Variants in CSNK2A2IP observed in about 807,000 individuals in gnomAD.
CSNK2A2IP encodes casein kinase 2 subunit alpha' interacting protein.
the CSNK2A2IP span, among the ~76,000 whole-genome samples, chr3:88,385,834 G>C: frequency 6.6e-6 from 1 of 152,096 alleles, no homozygotes; most frequent in African/African-American, 2.4e-5. Flanking sequence ...AGACTTGAAG[G>C]TGAAAGGATG....
chr3:88,465,654 C>T, the CSNK2A2IP span: 1 of 1,231,648 alleles, frequency 8.1e-7, no homozygotes, highest in Non-Finnish European at 1.0e-6. Context: ...AGCATCAGAA[C>T]ACACCTTCAA....
chr3:88,409,031 C>A, the CSNK2A2IP span, among the ~76,000 whole-genome samples: 5 of 152,068 alleles, frequency 3.3e-5, no homozygotes, highest in Non-Finnish European at 5.9e-5. Context: ...AATTTTCCTA[C>A]TGACTCTGAC....
At chr3:88,401,961 T>C in the CSNK2A2IP span, among the ~76,000 whole-genome samples, 4 of 151,532 alleles carry the variant, frequency 2.6e-5, no homozygotes, top group Non-Finnish European at 4.4e-5. Context: ...CTTTTGGCCA[T>C]GAGAAAAATG....
the CSNK2A2IP span, among the ~76,000 whole-genome samples, chr3:88,441,125 T>C: frequency 6.6e-6 from 1 of 152,214 alleles, no homozygotes; most frequent in Admixed American, 6.5e-5. Context: ...AATAGTACTC[T>C]ATATTAGCAA....
chr3:88,341,855 T>A, the CSNK2A2IP span, among the ~76,000 whole-genome samples: 3 of 152,012 alleles, frequency 2.0e-5, no homozygotes, highest in East Asian at 5.8e-4. Context: ...CATTTTGGTA[T>A]GTTTGAAAAC....
At chr3:88,344,937 G>C in the CSNK2A2IP span, among the ~76,000 whole-genome samples, 1 of 151,940 alleles carries the variant, frequency 6.6e-6, no homozygotes, top group African/African-American at 2.4e-5. Context: ...TGAATATCAT[G>C]TTTTAATTTC....
chr3:88,424,164 T>A, the CSNK2A2IP span, among the ~76,000 whole-genome samples: 1 of 152,210 alleles, frequency 6.6e-6, no homozygotes, highest in Admixed American at 6.5e-5. Context: ...ATAATCTTCA[T>A]GCTTAGTTGA....
the CSNK2A2IP span, among the ~76,000 whole-genome samples, chr3:88,341,584 A>G: frequency 6.7e-6 from 1 of 150,250 alleles, no homozygotes; most frequent in South Asian, 2.2e-4. Flanking sequence ...ATGGATACTC[A>G]ATAAATGCTA....
At chr3:88,358,118 C>A in the CSNK2A2IP span, among the ~76,000 whole-genome samples, 1 of 152,086 alleles carries the variant, frequency 6.6e-6, no homozygotes, top group Non-Finnish European at 1.5e-5. Context: ...GGATTACTTT[C>A]TTGGTTTCCT....
At chr3:88,416,131 T>C in the CSNK2A2IP span, among the ~76,000 whole-genome samples, 1 of 151,346 alleles carries the variant, frequency 6.6e-6, no homozygotes, top group African/African-American at 2.4e-5. Context: ...ATTAGCCTGG[T>C]GTGGTGGCAC....
chr3:88,378,831 A>C, the CSNK2A2IP span, among the ~76,000 whole-genome samples: 4 of 152,034 alleles, frequency 2.6e-5, no homozygotes, highest in Non-Finnish European at 4.4e-5. Flanking sequence ...CAATACAATA[A>C]ATATGTGTTA....
At chr3:88,355,893 A>T in the CSNK2A2IP span, among the ~76,000 whole-genome samples, 2 of 152,184 alleles carry the variant, frequency 1.3e-5, no homozygotes, top group African/African-American at 4.8e-5. Flanking sequence ...TTATATTTGT[A>T]TATTATGTTG....
At chr3:88,418,463 T>TGTGC in the CSNK2A2IP span, among the ~76,000 whole-genome samples, 1,330 of 149,602 alleles carry the variant, frequency 8.9e-3, 9 homozygotes, top group Admixed American at 0.016. Context: ...TGTGTGTGTG[T>TGTGC]GCGCGCGGGC....
chr3:88,383,863 C>T, the CSNK2A2IP span, among the ~76,000 whole-genome samples: 1 of 151,894 alleles, frequency 6.6e-6, no homozygotes, highest in Admixed American at 6.6e-5. Flanking sequence ...ACAGGGTTCA[C>T]CGTGTTAGCC....
the CSNK2A2IP span, among the ~76,000 whole-genome samples, chr3:88,411,383 A>ATCTATCTG: frequency 5.4e-3 from 296 of 55,064 alleles, 3 homozygotes; most frequent in African/African-American, 0.01. Context: ...CTATCTGTCT[A>ATCTATCTG]TCTATCTATC....
At chr3:88,352,068 C>G in the CSNK2A2IP span, among the ~76,000 whole-genome samples, 1 of 152,248 alleles carries the variant, frequency 6.6e-6, no homozygotes, top group South Asian at 2.1e-4. Flanking sequence ...ATTGTGTGGT[C>G]AGACTCCAGG....
At chr3:88,341,032 T>C in the CSNK2A2IP span, among the ~76,000 whole-genome samples, 62 of 152,142 alleles carry the variant, frequency 4.1e-4, no homozygotes, top group Non-Finnish European at 8.1e-4. Context: ...TTATGGTTCA[T>C]ATTTTTTCCA....
the CSNK2A2IP span, among the ~76,000 whole-genome samples, chr3:88,454,155 AT>A: frequency 6.6e-6 from 1 of 151,944 alleles, no homozygotes. Context: ...ATCTCATGTG[AT>A]TTTAATTTGG....
chr3:88,449,694 C>T, the CSNK2A2IP span, among the ~76,000 whole-genome samples: 35 of 148,862 alleles, frequency 2.4e-4, no homozygotes, highest in Admixed American at 1.5e-3. Context: ...TGTCTCTATT[C>T]TAATGAAATC....
Sources: allele counts gnomAD v4.1 joint callset (sites outside exome capture counted in the v4.1 genomes callset), GRCh38; gene constraint gnomAD v4.1.1; transcripts MANE v1.5; gene names NCBI Gene and HGNC (gene_info 2026-07-23, HGNC 2026-07-21).